The following CD38 variants were observed in gnomAD, a reference collection of about 807,000 sequenced individuals.
The protein encoded by CD38 is ADP-ribosyl cyclase/cyclic ADP-ribose hydrolase 1.
In CD38, 31 loss-of-function variants were observed where a neutral mutation model predicts 36.3. The ratio of observed to expected loss-of-function variants is 0.85; its 90% CI spans 0.64 to 1.15. The LOEUF (loss-of-function observed/expected upper bound fraction) is 1.15, where lower values mean the gene tolerates loss of function less well. Ranked by LOEUF, CD38 falls within the 50% of genes most tolerant of loss-of-function variation. CD38 has a pLI of 0.00. For missense variants in CD38, 380 were observed against 371.9 expected (o/e 1.02, Z -0.18); for synonymous variants, 131 against 135.2 (o/e 0.97, Z 0.22).
At chr4:15,786,414 G>C (rs1367123975) in intron 1 of CD38, among the ~76,000 whole-genome samples, 1 of 152,202 alleles carries the variant, frequency 6.6e-6, no homozygotes, top group Non-Finnish European at 1.5e-5. Context: ...CAAACCTTGA[G>C]CTAGACATAG....
At chr4:15,826,493 ACAC>A (rs1723853480) in intron 3 of CD38, among the ~76,000 whole-genome samples, 2 of 151,294 alleles carry the variant, frequency 1.3e-5, no homozygotes, top group South Asian at 4.2e-4. Context: ...ACACACACAC[ACAC>A]ACCTGCATAC....
chr4:15,838,745 G>C (rs1056273631), intron 5 of CD38, among the ~76,000 whole-genome samples: 1 of 152,194 alleles, frequency 6.6e-6, no homozygotes, highest in Non-Finnish European at 1.5e-5. Flanking sequence ...CATATCATCT[G>C]TGTGACCTCA....
chr4:15,815,094 C>T (rs1246981628), intron 1 of CD38, among the ~76,000 whole-genome samples: 1 of 151,976 alleles, frequency 6.6e-6, no homozygotes, highest in African/African-American at 2.4e-5. Context: ...CGTGAGCCAC[C>T]GTGCCCGGCC....
chr4:15,851,091 G>A lies in CD38; in HGVS notation c.*2489G>A, dbSNP rs1463137107. 1.3e-5 allele frequency: 2 copies of A among 152,198 alleles called. No homozygotes were observed. Among genetic ancestry groups the A allele is most frequent in the African/African-American group, 4.8e-5 (2 of 41,430 alleles). 9.4% of individuals were successfully genotyped at this position (152,198 alleles called of 1,614,324 possible). ...GACCTTAGGGGAGGGTGGTCACAAGGATTTTGCACAGTGCTTTAGAGGGTC... is the reference window on the plus strand; with the variant it reads ...GACCTTAGGGGAGGGTGGTCACAAGAATTTTGCACAGTGCTTTAGAGGGTC... On this transcript the variant is annotated 3_prime_UTR_variant, in exon 8 of 8. Coordinates refer to ENST00000226279, the MANE Select transcript of CD38 (RefSeq NM_001775.4).
chr4:15,785,172 T>C (rs1722788108), intron 1 of CD38, among the ~76,000 whole-genome samples: 2 of 151,866 alleles, frequency 1.3e-5, no homozygotes, highest in South Asian at 4.2e-4. Flanking sequence ...GAAGTGAGAC[T>C]ATAGGTCTCA....
intron 3 of CD38, 39 bp from the exon 4 acceptor site, chr4:15,834,178 C>A (rs1421482574): frequency 7.6e-7 from 1 of 1,321,880 alleles, no homozygotes; most frequent in African/African-American, 1.4e-5. Context: ...TTTATACTCT[C>A]TGTTTTCCAC....
chr4:15,838,030 G>GA (rs757282176), intron 4 of CD38, 62 bp from the exon 5 acceptor site: 41 of 1,331,720 alleles, frequency 3.1e-5, no homozygotes, highest in Non-Finnish European at 2.9e-5. Flanking sequence ...TGTTTTGAAT[G>GA]AAACTGCTGG....
Position 15,806,817 on chromosome 4 carries a change from G to A in CD38, c.234-9694G>A, listed in dbSNP as rs370154069. On this transcript the variant is annotated intron_variant, in intron 1 of 7. Transcript: ENST00000226279. The stretch of plus-strand genomic sequence containing the variant: ...ATGCTGTGTTGAGCCTCAGGTCACC[G>A]TTTGCGGAGGTGAGCAGAAAACTGC... 2.4e-3 allele frequency among the ~76,000 whole-genome samples: 364 copies of A among 152,282 alleles called. 2 individuals are homozygous for A. The South Asian group carries it at 0.03, about 13-fold the overall frequency.
At chr4:15,838,606 C>T (rs183989761) in intron 5 of CD38, among the ~76,000 whole-genome samples, 1 of 152,238 alleles carries the variant, frequency 6.6e-6, no homozygotes, top group Non-Finnish European at 1.5e-5. Flanking sequence ...AATTGTGTAC[C>T]CCAATTCAGT....
chr4:15,835,538 C>T (rs557751144), intron 4 of CD38, among the ~76,000 whole-genome samples: 22 of 151,874 alleles, frequency 1.4e-4, no homozygotes, highest in African/African-American at 4.3e-4. Context: ...CCACTATGCC[C>T]GGCTAATTTT....
At chr4:15,836,382 G>A (rs1471476033) in intron 4 of CD38, among the ~76,000 whole-genome samples, 1 of 152,166 alleles carries the variant, frequency 6.6e-6, no homozygotes, top group African/African-American at 2.4e-5. Context: ...AGAACCCTTA[G>A]GGCCCAATTA....
chr4:15,778,687 G>GCCCTGCTGTC lies in CD38; in HGVS notation c.233+40_233+41insCCCTGCTGTC. On this transcript the variant is annotated intron_variant, in intron 1 of 7. Coordinates refer to ENST00000226279, the MANE Select transcript of CD38 (RefSeq NM_001775.4). The surrounding 1 kb of genome is among the most constrained non-coding windows in gnomAD (Gnocchi z 4.9). ...AAGGCGCACCGGTGGGCACTGCGGG[G>GCCCTGCTGTC]ACAGCAGGGCCCCGCGCGCAGGGAA... The GCCCTGCTGTC allele has an allele frequency of 7.1e-7, 1 of 1,402,134 alleles. No homozygotes were observed. Among genetic ancestry groups the GCCCTGCTGTC allele is most frequent in the Non-Finnish European group, 1.0e-6 (1 of 993,438 alleles). The allele number at this position is 1,402,134 out of a possible 1,614,324, so 86.9% of individuals were successfully genotyped here.
chr4:15,790,231 G>A (rs1052459958), intron 1 of CD38, among the ~76,000 whole-genome samples: 3 of 145,658 alleles, frequency 2.1e-5, no homozygotes, highest in South Asian at 2.3e-4. Flanking sequence ...CTCTGATGCC[G>A]AGCCAAAGCT....
intron 1 of CD38, among the ~76,000 whole-genome samples, chr4:15,798,513 C>A (rs974375498): frequency 6.6e-6 from 1 of 152,148 alleles, no homozygotes; most frequent in Non-Finnish European, 1.5e-5. Context: ...CACACGGTTA[C>A]CCAAAGGTAT....
Position 15,825,056 on chromosome 4 carries a change from A to T in CD38, c.499+40A>T, listed in dbSNP as rs370150487. The T allele has an allele frequency of 2.5e-5, 39 of 1,564,704 alleles. No individual in the cohort carries two copies. Among genetic ancestry groups the T allele is most frequent in the South Asian group, 9.2e-5 (8 of 87,180 alleles). ...CCTGTGGGATTGCCCAGGGATGTGG[A>T]GGGTGAACAGAGTGACTTCTGCTGG... On this transcript the variant is annotated intron_variant, in intron 3 of 7. Coordinates refer to ENST00000226279, the MANE Select transcript of CD38 (RefSeq NM_001775.4).
intron 1 of CD38, among the ~76,000 whole-genome samples, chr4:15,793,766 G>A (rs1723054505): frequency 6.6e-6 from 1 of 152,240 alleles, no homozygotes; most frequent in Admixed American, 6.5e-5. Flanking sequence ...ATGATGTTGA[G>A]AAGTGGGTGG....
Position 15,825,006 on chromosome 4 carries a change from C to A in CD38, c.489C>A (p.Phe163Leu), listed in dbSNP as rs1341980768. 6.2e-7 allele frequency: 1 copy of A among 1,611,292 alleles called. No homozygotes were observed. Among genetic ancestry groups the A allele is most frequent in the Middle Eastern group, 1.7e-4 (1 of 6,058 alleles). ...ATGACCTCACATGGTGTGGTGAATT[C>A]AACACTTCCAGTGAGGCTCTGGGCC... ...LADDLTWCGE[F>L]NTSKINYQSC... The change falls in exon 3 of 8, where the codon TTC becomes TTA. Residue 163 changes from phenylalanine to leucine, a missense_variant. Physicochemically the swap from Phe to Leu is conservative, Grantham distance 22. Coordinates refer to ENST00000226279, the MANE Select transcript of CD38 (RefSeq NM_001775.4).
intron 4 of CD38, among the ~76,000 whole-genome samples, chr4:15,836,060 A>G (rs1237705806): frequency 6.6e-6 from 1 of 152,234 alleles, no homozygotes; most frequent in Admixed American, 6.5e-5. Flanking sequence ...AAACTTAGAC[A>G]TCTGAGGAAC....
At chr4:15,833,907 T>C (rs1724009975) in intron 3 of CD38, among the ~76,000 whole-genome samples, 1 of 152,248 alleles carries the variant, frequency 6.6e-6, no homozygotes, top group South Asian at 2.1e-4. Context: ...TTACCTCTAA[T>C]TCTTCCTGGA....
Sources: gnomAD v4.1 joint callset for allele counts (sites outside exome capture counted in the v4.1 genomes callset) on GRCh38, gnomAD v4.1.1 for gene constraint, Gnocchi (gnomAD v3.1) non-coding constraint, MANE v1.5 for transcripts, NCBI Gene and HGNC (gene_info 2026-07-23, HGNC 2026-07-21) for gene names.